LHFPL6: variants seen among roughly 807,000 people sequenced by gnomAD.
The protein encoded by LHFPL6 is LHFPL tetraspan subfamily member 6.
Under a neutral mutation model 20.6 loss-of-function variants are expected in LHFPL6, and 9 were observed. The observed-to-expected ratio is 0.44, with a 90% confidence interval of 0.26 to 0.76. The LOEUF (loss-of-function observed/expected upper bound fraction) is 0.76. Among genes scored for constraint, LHFPL6 ranks in the 30% least tolerant of loss-of-function variants. The probability of loss-of-function intolerance (pLI) is 0.20; values close to 1 mark genes in which losing one functional copy is unlikely to be tolerated. For missense variants in LHFPL6, 218 were observed against 253.5 expected, an observed-to-expected ratio of 0.86 and a Z score of 0.95; for synonymous variants, 105 against 98.7, an observed-to-expected ratio of 1.06 and a Z score of -0.38.
chr13:39,564,383 A>G (rs905166252), intron 2 of LHFPL6, among the ~76,000 whole-genome samples: 8 of 152,198 alleles, frequency 5.3e-5, no homozygotes, highest in Admixed American at 5.2e-4. Flanking sequence ...TGTGCTCTCT[A>G]TCTCAAACCC....
chr13:39,385,937 T>C (rs536238566), intron 2 of LHFPL6, among the ~76,000 whole-genome samples: 105 of 152,330 alleles, frequency 6.9e-4, no homozygotes, highest in Non-Finnish European at 1.3e-3. Context: ...CTTTTTCCAC[T>C]GTTTATTTTA....
intron 2 of LHFPL6, among the ~76,000 whole-genome samples, chr13:39,562,324 CTGAG>C (rs1168875299): frequency 2.7e-5 from 4 of 146,382 alleles, no homozygotes; most frequent in African/African-American, 7.5e-5. Context: ...GAACCATGTT[CTGAG>C]TGTGTGTGTG....
chr13:39,519,275 T>C (rs1377353616), intron 2 of LHFPL6, among the ~76,000 whole-genome samples: 2 of 152,008 alleles, frequency 1.3e-5, no homozygotes, highest in Non-Finnish European at 2.9e-5. Flanking sequence ...GCCAAGTAAG[T>C]GAGATACAAC....
intron 2 of LHFPL6, among the ~76,000 whole-genome samples, chr13:39,421,248 T>C (rs1871477557): frequency 6.6e-6 from 1 of 152,228 alleles, no homozygotes; most frequent in Non-Finnish European, 1.5e-5. Flanking sequence ...GTATCATATT[T>C]GCTTATTGGT....
chr13:39,465,592 A>G (rs1416722376), intron 2 of LHFPL6, among the ~76,000 whole-genome samples: 1 of 152,140 alleles, frequency 6.6e-6, no homozygotes, highest in Non-Finnish European at 1.5e-5. Context: ...TTCAGAGTTG[A>G]GCATGTCATA....
At chr13:39,602,478 A>T (rs1872985996) in intron 1 of LHFPL6, among the ~76,000 whole-genome samples, 1 of 152,122 alleles carries the variant, frequency 6.6e-6, no homozygotes, top group Non-Finnish European at 1.5e-5. Context: ...TATCTGGGCC[A>T]CGAGGCTGGG....
intron 2 of LHFPL6, among the ~76,000 whole-genome samples, chr13:39,486,669 A>C (rs924232029): frequency 6.6e-6 from 1 of 152,200 alleles, no homozygotes; most frequent in Non-Finnish European, 1.5e-5. Flanking sequence ...GCAACCTGTC[A>C]TTACAAAGGG....
intron 2 of LHFPL6, among the ~76,000 whole-genome samples, chr13:39,397,948 A>G (rs945974331): frequency 5.9e-5 from 9 of 152,094 alleles, no homozygotes; most frequent in Non-Finnish European, 1.2e-4. Flanking sequence ...TTGTGTAGAG[A>G]GAGACAGAAG....
intron 2 of LHFPL6, among the ~76,000 whole-genome samples, chr13:39,506,392 A>G (rs1869485123): frequency 6.6e-6 from 1 of 152,176 alleles, no homozygotes. Context: ...GTGAGAAAGG[A>G]CCTCAGAGAA....
rs972158345 is a variant in LHFPL6, at chr13:39,601,297, G to C, written c.-81C>G. 3 of 1,397,746 alleles carry C rather than the reference G, an allele frequency of 2.1e-6. No individual in the cohort carries two copies. The highest frequency in any genetic ancestry group is 2.4e-5 in the Admixed American group (1 of 41,596). The allele number at this position is 1,397,746 out of a possible 1,614,324, so 86.6% of individuals were successfully genotyped here. On this transcript the variant is annotated 5_prime_UTR_variant, in exon 2 of 4. Coordinates refer to ENST00000379589, the MANE Select transcript of LHFPL6 (RefSeq NM_005780.3). ...TGAATGAAGGTGTGAAATCACCAGG[G>C]ACCCACAGATAATCCACAGTTCCGT... is the stretch of plus-strand genomic sequence containing the variant.
rs143126455 is a variant in LHFPL6, at chr13:39,421,103, A to G, written c.386-42577T>C. On this transcript the variant is annotated intron_variant, in intron 2 of 3. Transcript: ENST00000379589. ...ATCTGTCTATCAGATAACAACAACA[A>G]CAAAAAAAACTAAATCACAAGTGTG... Among the ~76,000 whole-genome samples, 6 of 18,540 alleles carry G rather than the reference A, an allele frequency of 3.2e-4. No individual in the cohort carries two copies. The South Asian group carries it at 0.079, about 244-fold the overall frequency. 12.2% of individuals were successfully genotyped at this position (18,540 alleles called of 152,430 possible). A position where few individuals can be genotyped will look rare whatever the true frequency, so the allele number is the denominator to read the frequency against.
At chr13:39,531,386 G>A (rs937032086) in intron 2 of LHFPL6, among the ~76,000 whole-genome samples, 6 of 152,016 alleles carry the variant, frequency 3.9e-5, no homozygotes, top group Non-Finnish European at 8.8e-5. Context: ...TTACCCTTTG[G>A]ACACATAAAA....
chr13:39,350,958 A>T (rs1284650529), intron 3 of LHFPL6, among the ~76,000 whole-genome samples: 1 of 152,230 alleles, frequency 6.6e-6, no homozygotes, highest in African/African-American at 2.4e-5. Flanking sequence ...CAAAGAATCC[A>T]GTCTTATTAC....
intron 2 of LHFPL6, among the ~76,000 whole-genome samples, chr13:39,533,218 T>C (rs1344067326): frequency 6.6e-6 from 1 of 152,210 alleles, no homozygotes; most frequent in Non-Finnish European, 1.5e-5. Context: ...GGTATGTGGG[T>C]ATATTTGTTA....
At chr13:39,456,934 C>A (rs1872585896) in intron 2 of LHFPL6, among the ~76,000 whole-genome samples, 1 of 151,904 alleles carries the variant, frequency 6.6e-6, no homozygotes. Flanking sequence ...GAAGCTGGGA[C>A]TACAGGCATG....
chr13:39,578,437 A>T (rs1455932710), intron 2 of LHFPL6, among the ~76,000 whole-genome samples: 3 of 152,178 alleles, frequency 2.0e-5, no homozygotes, highest in Non-Finnish European at 4.4e-5. Context: ...TTTAAACAGA[A>T]TTTTATTTTA....
chr13:39,567,460 C>T (rs1593366969), intron 2 of LHFPL6, among the ~76,000 whole-genome samples: 1 of 152,182 alleles, frequency 6.6e-6, no homozygotes, highest in African/African-American at 2.4e-5. Flanking sequence ...AAGGAAGTTA[C>T]AAGTAAACAA....
At chr13:39,550,152 C>T (rs9603561) in intron 2 of LHFPL6, among the ~76,000 whole-genome samples, 53,441 of 151,958 alleles carry the variant, frequency 0.35, 9,966 homozygotes, top group African/African-American at 0.48. Flanking sequence ...CTCAAGAAAG[C>T]TCTTTTTAAT....
intron 2 of LHFPL6, among the ~76,000 whole-genome samples, chr13:39,416,921 C>T (rs966275149): frequency 2.6e-5 from 4 of 152,142 alleles, no homozygotes; most frequent in African/African-American, 7.2e-5. Context: ...ATAATGAATA[C>T]ATCTTGTACA....
Sources: gnomAD v4.1 joint callset for allele counts (sites outside exome capture counted in the v4.1 genomes callset) on GRCh38, gnomAD v4.1.1 for gene constraint, MANE v1.5 for transcripts, NCBI Gene and HGNC (gene_info 2026-07-23, HGNC 2026-07-21) for gene names.